ANK2: variants seen among roughly 807,000 people sequenced by gnomAD.
The protein encoded by ANK2 is ankyrin-2.
ANK2 carries 83 observed loss-of-function variants against 360.5 expected under a neutral mutation model. The observed-to-expected ratio is 0.23, with a 90% CI of 0.19 to 0.28. The LOEUF (loss-of-function observed/expected upper bound fraction) is 0.28, where lower values mean the gene tolerates loss of function less well. Ranked by LOEUF, ANK2 falls within the 10% of genes least tolerant of loss-of-function variation. ANK2 has a pLI of 1.00. For missense variants in ANK2, 4,201 were observed against 4,795.7 expected (o/e 0.88, Z 3.66); for synonymous variants, 1,740 against 1,759.5 (o/e 0.99, Z 0.28).
In ANK2 at chr4:113,315,527, C is replaced by T. The variant is rs527364775; in HGVS notation, c.2694-2180C>T. 2.0e-5 allele frequency among the ~76,000 whole-genome samples: 3 copies of T among 152,238 alleles called. No homozygotes were observed. In the East Asian group the frequency reaches 5.8e-4, roughly 29 times the overall value. ...GCCCATAGAACAGCTGTATTAGAAACAGAAGAGGTTGGCTCCTCTACTATT... is the reference window on the plus strand; with the variant it reads ...GCCCATAGAACAGCTGTATTAGAAATAGAAGAGGTTGGCTCCTCTACTATT... On this transcript the variant is annotated intron_variant, in intron 24 of 45. Coordinates refer to ENST00000357077, the MANE Select transcript of ANK2 (RefSeq NM_001148.6).
At chr4:113,136,195 TCTGTTCATAAAAAGA>T (rs1283559689) in intron 1 of ANK2, among the ~76,000 whole-genome samples, 1 of 152,166 alleles carries the variant, frequency 6.6e-6, no homozygotes, top group African/African-American at 2.4e-5. Flanking sequence ...AAATACAGTG[TCTGTTCATAAAAAGA>T]CAATTAAAAT....
the ANK2 span, among the ~76,000 whole-genome samples, chr4:112,724,147 C>G: frequency 1.3e-5 from 2 of 151,654 alleles, no homozygotes; most frequent in Non-Finnish European, 2.9e-5. Context: ...TTACTGCAGC[C>G]TCTGCCTCCC....
At chr4:113,076,507 G>T (rs1384395381) in intron 1 of ANK2, among the ~76,000 whole-genome samples, 2 of 152,168 alleles carry the variant, frequency 1.3e-5, no homozygotes, top group Non-Finnish European at 1.5e-5. Context: ...TCTAAGCATT[G>T]ACATATGTAA....
chr4:112,955,989 C>A lies in ANK2; in HGVS notation c.21+51475C>A, dbSNP rs540040247. ...ACCACAAAAATCATTAAAGTAATTT[C>A]TTTTCTGCTCTTGCCCCTGAGGTGA... On this transcript the variant is annotated intron_variant, in intron 2 of 30. Transcript: ENST00000503271. Among the ~76,000 whole-genome samples, 20 of 152,292 alleles carry A rather than the reference C, an allele frequency of 1.3e-4. 1 individual carries two copies. The South Asian group carries it at 1.9e-3, about 14-fold the overall frequency.
chr4:113,233,688 A>G (rs1372195464), intron 5 of ANK2, among the ~76,000 whole-genome samples: 3 of 152,142 alleles, frequency 2.0e-5, no homozygotes, highest in Non-Finnish European at 4.4e-5. Flanking sequence ...TATGGAGCCA[A>G]TTGCAACAAG....
intron 37 of ANK2, among the ~76,000 whole-genome samples, chr4:113,351,050 A>G (rs978026758): frequency 2.6e-5 from 4 of 152,058 alleles, no homozygotes; most frequent in African/African-American, 9.7e-5. Flanking sequence ...TCCAATTAAG[A>G]TTTTAGTTTG....
intron 2 of ANK2, among the ~76,000 whole-genome samples, chr4:113,006,845 T>C (rs2154290088): frequency 6.6e-6 from 1 of 152,354 alleles, no homozygotes; most frequent in East Asian, 1.9e-4. Context: ...ATATATCTCC[T>C]TACATTTGGT....
intron 1 of ANK2, among the ~76,000 whole-genome samples, chr4:112,822,527 C>T (rs1238933087): frequency 6.6e-6 from 1 of 151,776 alleles, no homozygotes; most frequent in African/African-American, 2.4e-5. Flanking sequence ...GGGCAGATCA[C>T]TTGAGGTCAG....
chr4:113,217,316 C>T (rs2099095783), intron 4 of ANK2: 1 of 152,140 alleles, frequency 6.6e-6, no homozygotes, highest in Non-Finnish European at 1.5e-5. Flanking sequence ...TGGTTACCAC[C>T]ACTAGAGGAC....
At position 113,198,340 on chromosome 4, in the gene ANK2, G is replaced by T. The variant is rs866785345; in HGVS notation, c.286-671G>T. On this transcript the variant is annotated intron_variant, in intron 3 of 45. Transcript: ENST00000357077. ...ATGGCTTGGAATCTACTGGTTTCTGGTTTTTTTTTCTTTTTGTTATTTATT... is the reference window on the plus strand; with the variant it reads ...ATGGCTTGGAATCTACTGGTTTCTGTTTTTTTTTTCTTTTTGTTATTTATT... 2.9e-4 allele frequency among the ~76,000 whole-genome samples: 44 copies of T among 150,584 alleles called. No individual in the cohort carries two copies. The Middle Eastern group carries it at 0.017, about 59-fold the overall frequency.
At chr4:112,823,531 G>C (rs1442891049) in intron 1 of ANK2, among the ~76,000 whole-genome samples, 1 of 144,352 alleles carries the variant, frequency 6.9e-6, no homozygotes, top group African/African-American at 2.6e-5. Context: ...TCCAAATAAA[G>C]ATATCATTTA....
chr4:112,992,581 C>G (rs909557955), intron 2 of ANK2, among the ~76,000 whole-genome samples: 1 of 152,158 alleles, frequency 6.6e-6, no homozygotes, highest in Non-Finnish European at 1.5e-5. Flanking sequence ...TTGAGTTGTG[C>G]GTGCCAGTAT....
intron 26 of ANK2, among the ~76,000 whole-genome samples, chr4:113,321,370 C>T (rs780323124): frequency 3.3e-5 from 5 of 152,192 alleles, no homozygotes; most frequent in Non-Finnish European, 7.3e-5. Context: ...TAAATGGCAG[C>T]GTCAATGTGG....
intron 1 of ANK2, among the ~76,000 whole-genome samples, chr4:113,163,960 A>G (rs982175038): frequency 1.3e-5 from 2 of 152,054 alleles, no homozygotes; most frequent in Non-Finnish European, 2.9e-5. Context: ...ATCAATAGTC[A>G]TTCTCCATTT....
At chr4:113,306,880 G>A (rs1253679271) in intron 23 of ANK2, among the ~76,000 whole-genome samples, 1 of 152,160 alleles carries the variant, frequency 6.6e-6, no homozygotes, top group East Asian at 1.9e-4. Flanking sequence ...GCAGCGAAAT[G>A]CAAGGAAAAG....
chr4:112,811,025 T>A, the ANK2 span, among the ~76,000 whole-genome samples: 1 of 150,778 alleles, frequency 6.6e-6, no homozygotes, highest in African/African-American at 2.4e-5. Flanking sequence ...AAGCTCCGCC[T>A]CCTGGGTTCA....
chr4:113,171,982 C>CT (rs939218996), intron 1 of ANK2, among the ~76,000 whole-genome samples: 16 of 152,108 alleles, frequency 1.1e-4, no homozygotes, highest in Non-Finnish European at 2.1e-4. Flanking sequence ...TCACAGCATT[C>CT]TTTTTTATAG....
At chr4:112,730,049 A>G in the ANK2 span, among the ~76,000 whole-genome samples, 4 of 152,006 alleles carry the variant, frequency 2.6e-5, no homozygotes, top group Non-Finnish European at 5.9e-5. Context: ...ATGAAATTTA[A>G]GAAGACTAAG....
intron 2 of ANK2, among the ~76,000 whole-genome samples, chr4:112,987,895 C>T (rs1010389963): frequency 6.6e-6 from 1 of 151,844 alleles, no homozygotes; most frequent in African/African-American, 2.4e-5. Context: ...ATATTACTTA[C>T]AAAAATAGTA....
Sources: gnomAD v4.1 joint callset for allele counts (sites outside exome capture counted in the v4.1 genomes callset) on GRCh38, gnomAD v4.1.1 for gene constraint, MANE v1.5 for transcripts, NCBI Gene and HGNC (gene_info 2026-07-23, HGNC 2026-07-21) for gene names.